Variants in SVOPL observed in about 807,000 individuals in gnomAD.
SVOPL encodes putative transporter SVOPL.
SVOPL carries 60 observed loss-of-function variants against 61.0 expected under a neutral mutation model. That is an observed-to-expected ratio of 0.98 (90% CI 0.80 to 1.22). SVOPL has a LOEUF of 1.22. Among genes scored for constraint, SVOPL ranks in the 50% most tolerant of loss-of-function variants. SVOPL has a pLI of 0.00. For missense variants in SVOPL, 662 were observed against 643.9 expected, an observed-to-expected ratio of 1.03 and a Z score of -0.30; for synonymous variants, 279 against 250.0, an observed-to-expected ratio of 1.12 and a Z score of -1.09.
At chr7:138,675,414 C>T (rs1051584859) in intron 3 of SVOPL, among the ~76,000 whole-genome samples, 1 of 152,050 alleles carries the variant, frequency 6.6e-6, no homozygotes. Flanking sequence ...AGTACAGTGG[C>T]GCGATCTCGG....
intron 9 of SVOPL, among the ~76,000 whole-genome samples, chr7:138,641,935 A>T (rs28639863): frequency 4.0e-4 from 30 of 75,016 alleles, no homozygotes; most frequent in East Asian, 2.1e-3. Context: ...ATACACACAC[A>T]CACACACACA....
chr7:138,662,785 C>T lies in SVOPL; in HGVS notation c.345+289G>A, dbSNP rs1395651561. 1.3e-5 allele frequency: 16 copies of T among 1,209,926 alleles called. No individual in the cohort carries two copies. The East Asian group carries it at 2.5e-4, about 19-fold the overall frequency. The allele number at this position is 1,209,926 out of a possible 1,614,324, so 74.9% of individuals were successfully genotyped here. A position where few individuals can be genotyped will look rare whatever the true frequency, so the allele number is the denominator to read the frequency against. On this transcript the variant is annotated intron_variant, in intron 5 of 15. Coordinates refer to ENST00000674285, the MANE Select transcript of SVOPL (RefSeq NM_001139456.2). ...TAAAAGTTCAAATAGAGCCACTTAG[C>T]GGCCTTCCTTCCTTTAATCCTTCTG... is the stretch of plus-strand genomic sequence containing the variant.
intron 6 of SVOPL, among the ~76,000 whole-genome samples, chr7:138,657,062 T>C (rs2117059080): frequency 6.6e-6 from 1 of 151,716 alleles, no homozygotes; most frequent in African/African-American, 2.4e-5. Context: ...AAAAGAAATA[T>C]AAGCCTTATC....
At chr7:138,595,355 C>G (rs1441824804) in intron 15 of SVOPL, among the ~76,000 whole-genome samples, 2 of 152,030 alleles carry the variant, frequency 1.3e-5, no homozygotes, top group Non-Finnish European at 2.9e-5. Flanking sequence ...AAGATTTTTC[C>G]CAAAGACATG....
chr7:138,659,651 C>G (rs988270198), intron 6 of SVOPL, among the ~76,000 whole-genome samples: 2 of 151,986 alleles, frequency 1.3e-5, no homozygotes, highest in Admixed American at 1.3e-4. Flanking sequence ...AGCTATACCC[C>G]AACTACCTTG....
intron 9 of SVOPL, among the ~76,000 whole-genome samples, chr7:138,636,625 G>A (rs548617390): frequency 2.0e-5 from 3 of 151,826 alleles, no homozygotes; most frequent in African/African-American, 4.8e-5. Context: ...TGTCTGCCAC[G>A]AAGCCTGGCT....
chr7:138,647,617 G>C (rs541928731), intron 8 of SVOPL, among the ~76,000 whole-genome samples: 47 of 152,078 alleles, frequency 3.1e-4, no homozygotes, highest in African/African-American at 1.1e-3. Flanking sequence ...TTGGGAGGCT[G>C]AGGCGGGTGG....
intron 1 of SVOPL, among the ~76,000 whole-genome samples, chr7:138,687,228 C>CTTTTTTTTTTTTTTTT (rs71179722): frequency 1.3e-5 from 1 of 77,024 alleles, no homozygotes; most frequent in Non-Finnish European, 2.3e-5. Flanking sequence ...CTTTTTTCCT[C>CTTTTTTTTTTTTTTTT]TTTTTTTTTT....
At chr7:138,692,405 T>A (rs1382105799) in intron 1 of SVOPL, among the ~76,000 whole-genome samples, 1 of 152,088 alleles carries the variant, frequency 6.6e-6, no homozygotes, top group Non-Finnish European at 1.5e-5. Flanking sequence ...TTCCATTCTA[T>A]AGCCACTGCT....
At chr7:138,597,131 C>A in intron 14 of SVOPL, 1 of 1,283,442 alleles carries the variant, frequency 7.8e-7, no homozygotes, top group Non-Finnish European at 1.0e-6. Flanking sequence ...CACGCAGATA[C>A]TGGTAATTCA....
intron 1 of SVOPL, among the ~76,000 whole-genome samples, chr7:138,688,273 G>T (rs769335450): frequency 6.7e-6 from 1 of 148,312 alleles, no homozygotes; most frequent in Non-Finnish European, 1.5e-5. Flanking sequence ...AAAAATTTTG[G>T]GGTTTTTTTT....
In SVOPL at chr7:138,594,890, A is replaced by G. The variant is rs190483096; in HGVS notation, c.1468-269T>C. 4.6e-5 allele frequency among the ~76,000 whole-genome samples: 7 copies of G among 151,946 alleles called. No individual in the cohort carries two copies. In the East Asian group the frequency reaches 1.2e-3, roughly 25 times the overall value. On this transcript the variant is annotated intron_variant, in intron 15 of 15. Coordinates refer to ENST00000674285, the MANE Select transcript of SVOPL (RefSeq NM_001139456.2). ...TATGTATACATATATACATACATAC[A>G]TATATATACACGTGTGTGTCTGTGT...
chr7:138,610,123 T>C (rs1311933681), intron 14 of SVOPL, among the ~76,000 whole-genome samples: 1 of 152,208 alleles, frequency 6.6e-6, no homozygotes, highest in Non-Finnish European at 1.5e-5. Context: ...GGGATATACA[T>C]ACAATGAAAT....
intron 14 of SVOPL, among the ~76,000 whole-genome samples, chr7:138,620,444 CAAAAAAAAA>C (rs3080386): frequency 1.1e-5 from 1 of 87,304 alleles, no homozygotes; most frequent in Non-Finnish European, 2.2e-5. Context: ...TCTTTGCAGC[CAAAAAAAAA>C]AAAAAAAAAA....
intron 1 of SVOPL, among the ~76,000 whole-genome samples, chr7:138,684,739 T>A (rs1802767713): frequency 6.6e-6 from 1 of 152,156 alleles, no homozygotes; most frequent in Non-Finnish European, 1.5e-5. Context: ...ACCACCAATA[T>A]GATCCAACAG....
chr7:138,691,793 G>A (rs1447212242), intron 1 of SVOPL, among the ~76,000 whole-genome samples: 7 of 151,868 alleles, frequency 4.6e-5, no homozygotes, highest in African/African-American at 9.7e-5. Flanking sequence ...CACCCACCTC[G>A]GCCTCCCAAA....
chr7:138,667,447 G>A (rs1361768003), intron 4 of SVOPL, among the ~76,000 whole-genome samples: 1 of 152,176 alleles, frequency 6.6e-6, no homozygotes, highest in East Asian at 1.9e-4. Flanking sequence ...CCCAAGTGAT[G>A]AGACTCATTC....
chr7:138,689,373 G>A (rs1802889268), intron 1 of SVOPL: 1 of 1,574,024 alleles, frequency 6.4e-7, no homozygotes, highest in Non-Finnish European at 8.6e-7. Context: ...GATCGACAGA[G>A]CTTATGGTCG....
intron 4 of SVOPL, among the ~76,000 whole-genome samples, chr7:138,664,543 A>C (rs2117093085): frequency 2.7e-5 from 3 of 110,004 alleles, no homozygotes; most frequent in East Asian, 6.5e-4. Context: ...AGCACCCCTA[A>C]TCCTCCATCA....
Sources: gnomAD v4.1 joint callset for allele counts (sites outside exome capture counted in the v4.1 genomes callset) on GRCh38, gnomAD v4.1.1 for gene constraint, MANE v1.5 for transcripts, NCBI Gene and HGNC (gene_info 2026-07-23, HGNC 2026-07-21) for gene names.